Variants in STAC observed in about 807,000 individuals in gnomAD.
STAC encodes SH3 and cysteine-rich domain-containing protein.
A neutral mutation model predicts 48.8 loss-of-function variants in STAC; 43 were observed. That is an observed-to-expected ratio of 0.88 (90% CI 0.69 to 1.14). STAC has a LOEUF of 1.14. Ranked by LOEUF, STAC falls within the 50% of genes most tolerant of loss-of-function variation. The pLI is 0.00. For synonymous variants in STAC, 193 were observed against 179.5 expected (o/e 1.07, Z -0.60); for missense variants, 497 against 504.0 (o/e 0.99, Z 0.13).
At chr3:36,441,504 C>G (rs1431255416) in intron 1 of STAC, among the ~76,000 whole-genome samples, 1 of 152,034 alleles carries the variant, frequency 6.6e-6, no homozygotes, top group East Asian at 1.9e-4. Flanking sequence ...GTTGTTGGAC[C>G]CATAGATTGA....
chr3:36,476,230 C>A (rs1162960264), intron 2 of STAC, among the ~76,000 whole-genome samples: 1 of 152,202 alleles, frequency 6.6e-6, no homozygotes, highest in Non-Finnish European at 1.5e-5. Context: ...AAAGAAACCA[C>A]CATTTCATGT....
intron 1 of STAC, among the ~76,000 whole-genome samples, chr3:36,397,373 A>G (rs1699876118): frequency 6.6e-6 from 1 of 152,186 alleles, no homozygotes; most frequent in Non-Finnish European, 1.5e-5. Flanking sequence ...CCTTCTAATT[A>G]ACATTGAAGA....
rs143034662 is a variant in STAC, at chr3:36,530,062, G to A, written c.1110+1077G>A. Among the ~76,000 whole-genome samples the A allele has an allele frequency of 4.7e-3, 720 of 152,352 alleles. 10 individuals carry two copies. The highest frequency in any genetic ancestry group is 0.015 in the African/African-American group (629 of 41,578). On this transcript the variant is annotated intron_variant, in intron 10 of 10. Coordinates refer to ENST00000273183, the MANE Select transcript of STAC (RefSeq NM_003149.3). ...TTGAACCAGGGAGGTGGAGGCTGCAGTGAGCCGAGATCGTGCCACTGCACT... is the reference window on the plus strand; with the variant it reads ...TTGAACCAGGGAGGTGGAGGCTGCAATGAGCCGAGATCGTGCCACTGCACT...
chr3:36,397,989 A>G (rs1699888397), intron 1 of STAC, among the ~76,000 whole-genome samples: 1 of 151,806 alleles, frequency 6.6e-6, no homozygotes, highest in Admixed American at 6.6e-5. Flanking sequence ...CTTGTGTCTG[A>G]GGAGCCAAGA....
intron 1 of STAC, chr3:36,409,801 G>A (rs1295649763): frequency 6.6e-6 from 1 of 152,208 alleles, no homozygotes; most frequent in Non-Finnish European, 1.5e-5. Context: ...AAATCCGTCA[G>A]CCTTATATTT....
At position 36,528,956 on chromosome 3, in the gene STAC, C is replaced by T; in HGVS notation, c.1081C>T (p.Gln361Ter). Reference sequence around the variant, plus strand: ...TAGAACCTTCATTGGGTGTAAGGAACAGGGGCAGATAACACTGAAAGAGAA... The same window carrying T: ...TAGAACCTTCATTGGGTGTAAGGAATAGGGGCAGATAACACTGAAAGAGAA... ...CVRTFIGCKEQGQITLKENQI... is the reference protein window; with the variant it reads ...CVRTFIGCKE The change falls in exon 10 of 11, where the codon CAG becomes TAG. Residue 361 changes from glutamine to a stop codon, truncating the protein, a stop_gained. Transcript: ENST00000273183. LOFTEE classifies it high-confidence loss of function. 6.2e-7 allele frequency: 1 copy of T among 1,611,518 alleles called. No homozygotes were observed. The highest frequency in any genetic ancestry group is 1.1e-5 in the South Asian group (1 of 90,764).
chr3:36,463,561 C>A (rs1029014013), intron 2 of STAC, among the ~76,000 whole-genome samples: 3 of 150,008 alleles, frequency 2.0e-5, no homozygotes, highest in Non-Finnish European at 4.4e-5. Flanking sequence ...ATGTGCACAT[C>A]GTGCAGGTTA....
intron 1 of STAC, among the ~76,000 whole-genome samples, chr3:36,437,971 T>C (rs1192263800): frequency 6.7e-6 from 1 of 148,724 alleles, no homozygotes; most frequent in Non-Finnish European, 1.5e-5. Flanking sequence ...ATTATTTAGA[T>C]GAGTTTGCCC....
chr3:36,473,859 T>C (rs527468861), intron 2 of STAC, among the ~76,000 whole-genome samples: 1 of 152,242 alleles, frequency 6.6e-6, no homozygotes, highest in Non-Finnish European at 1.5e-5. Flanking sequence ...GCCGAGAACA[T>C]TGTTTTTATT....
At chr3:36,489,267 A>G (rs920820271) in intron 5 of STAC, among the ~76,000 whole-genome samples, 10 of 152,226 alleles carry the variant, frequency 6.6e-5, no homozygotes, top group African/African-American at 2.2e-4. Context: ...TGCCTGGCAC[A>G]TAGTGAATAC....
intron 1 of STAC, among the ~76,000 whole-genome samples, chr3:36,398,324 A>AAAGAAAGAAAGAAAGAAAGC (rs1699900116): frequency 1.0e-5 from 1 of 95,634 alleles, no homozygotes; most frequent in African/African-American, 4.0e-5. Context: ...AGAAAGCAAG[A>AAAGAAAGAAAGAAAGAAAGC]AAGAAAGAAA....
chr3:36,431,997 T>C (rs978746141), intron 1 of STAC, among the ~76,000 whole-genome samples: 1 of 152,234 alleles, frequency 6.6e-6, no homozygotes, highest in African/African-American at 2.4e-5. Context: ...ATATATACAG[T>C]TCTGTTTCCT....
chr3:36,420,931 C>T lies in STAC; in HGVS notation c.112-22433C>T, dbSNP rs80087038. ...AAGTATTTTTGTGCCTCATATTTCC[C>T]ATATTTCCCAATGCTTTTGTTTTCT... is the stretch of plus-strand genomic sequence containing the variant. On this transcript the variant is annotated intron_variant, in intron 1 of 10. Coordinates refer to ENST00000273183, the MANE Select transcript of STAC (RefSeq NM_003149.3). Among the ~76,000 whole-genome samples, 18 of 152,258 alleles carry T rather than the reference C, an allele frequency of 1.2e-4. No individual in the cohort carries two copies. The East Asian group carries it at 3.5e-3, about 29-fold the overall frequency.
intron 1 of STAC, among the ~76,000 whole-genome samples, chr3:36,434,589 G>C (rs988925399): frequency 2.6e-5 from 4 of 152,190 alleles, no homozygotes; most frequent in Non-Finnish European, 5.9e-5. Flanking sequence ...CAACGGGCAG[G>C]AAACTGAGTT....
At chr3:36,427,176 C>A (rs1700585952) in intron 1 of STAC, among the ~76,000 whole-genome samples, 1 of 152,194 alleles carries the variant, frequency 6.6e-6, no homozygotes, top group Admixed American at 6.5e-5. Context: ...TCAATCATGT[C>A]CCACTCTGGA....
chr3:36,479,237 G>C (rs1697577409), intron 2 of STAC, among the ~76,000 whole-genome samples: 1 of 152,058 alleles, frequency 6.6e-6, no homozygotes, highest in Non-Finnish European at 1.5e-5. Context: ...ATTTGGCTGG[G>C]TATAAAATTC....
chr3:36,401,552 A>G (rs1371292560), intron 1 of STAC, among the ~76,000 whole-genome samples: 1 of 152,186 alleles, frequency 6.6e-6, no homozygotes, highest in Non-Finnish European at 1.5e-5. Flanking sequence ...TCACACTGGA[A>G]GAGCTGCAGC....
chr3:36,436,037 T>C (rs559647695), intron 1 of STAC, among the ~76,000 whole-genome samples: 1 of 152,342 alleles, frequency 6.6e-6, no homozygotes, highest in Admixed American at 6.5e-5. Flanking sequence ...TCTAGTCTCA[T>C]GGTTTTAAAT....
At chr3:36,508,547 G>A (rs1396438140) in intron 8 of STAC, among the ~76,000 whole-genome samples, 1 of 152,106 alleles carries the variant, frequency 6.6e-6, no homozygotes, top group Non-Finnish European at 1.5e-5. Context: ...ATTATTGTAT[G>A]GGAGTCTAAG....
Sources: allele counts gnomAD v4.1 joint callset (sites outside exome capture counted in the v4.1 genomes callset), GRCh38; gene constraint gnomAD v4.1.1; transcripts MANE v1.5; gene names NCBI Gene and HGNC (gene_info 2026-07-23, HGNC 2026-07-21).